The following AARS1 variants were observed in gnomAD, a reference collection of about 807,000 sequenced individuals.
The protein encoded by AARS1 is alanine--tRNA ligase, cytoplasmic.
In AARS1, 72 loss-of-function variants were observed where a neutral mutation model predicts 108.9. The ratio of observed to expected loss-of-function variants is 0.66; its 90% confidence interval spans 0.55 to 0.80. The LOEUF (loss-of-function observed/expected upper bound fraction) is 0.80, where lower values mean the gene tolerates loss of function less well. AARS1 is among the 30% of genes least tolerant of loss of function. AARS1 has a pLI of 0.00. For synonymous variants in AARS1, 489 were observed against 465.7 expected, an observed-to-expected ratio of 1.05 and a Z score of -0.64; for missense variants, 1,193 against 1,233.2, an observed-to-expected ratio of 0.97 and a Z score of 0.49.
intron 17 of AARS1, 37 bp downstream of exon 17, chr16:70,254,584 C>G (rs749869285): frequency 7.1e-7 from 1 of 1,407,338 alleles, no homozygotes; most frequent in Admixed American, 1.7e-5. Context: ...TTTCATGCAC[C>G]AGGCCCTGAG....
chr16:70,284,532 G>A (rs1478084378), intron 1 of AARS1, among the ~76,000 whole-genome samples: 4 of 152,098 alleles, frequency 2.6e-5, no homozygotes, highest in Admixed American at 6.6e-5. Flanking sequence ...AACCCAGGAG[G>A]CGGAGCTTGC....
intron 7 of AARS1, 81 bp downstream of exon 7, chr16:70,269,537 C>A: frequency 6.3e-7 from 1 of 1,589,954 alleles, no homozygotes; most frequent in Non-Finnish European, 8.5e-7. Context: ...CAATCTCACA[C>A]ACAAAGAAAA....
intron 16 of AARS1, among the ~76,000 whole-genome samples, chr16:70,255,424 T>C (rs1401181312): frequency 1.3e-5 from 2 of 152,072 alleles, no homozygotes; most frequent in African/African-American, 2.4e-5. Context: ...GGTCTCGAAC[T>C]CTTGACCTAG....
chr16:70,272,005 GC>G, intron 4 of AARS1, 33 bp from the exon 5 acceptor site: 1 of 1,602,048 alleles, frequency 6.2e-7, no homozygotes, highest in Non-Finnish European at 8.6e-7. Context: ...TCCAGTTACA[GC>G]CCCTGACAAG....
At chr16:70,267,835 G>A (rs1334593879) in intron 8 of AARS1, 26 bp from the exon 9 acceptor site, 1 of 1,614,036 alleles carries the variant, frequency 6.2e-7, no homozygotes, top group South Asian at 1.1e-5. Context: ...CAAGATGAGG[G>A]GCTGGATGAA....
At chr16:70,287,103 T>C (rs1275236269) in intron 1 of AARS1, among the ~76,000 whole-genome samples, 1 of 150,624 alleles carries the variant, frequency 6.6e-6, no homozygotes, top group Non-Finnish European at 1.5e-5. Context: ...TACAAAAAAT[T>C]AGCCGGGCGT....
At chr16:70,272,933 T>G (rs1006377806) in intron 4 of AARS1, among the ~76,000 whole-genome samples, 7 of 101,084 alleles carry the variant, frequency 6.9e-5, no homozygotes, top group African/African-American at 3.4e-4. Flanking sequence ...CAAAAGATTG[T>G]GCTTGCTTAT....
chr16:70,260,955 C>T (rs191913053), intron 13 of AARS1, 89 bp downstream of exon 13: 162 of 1,070,852 alleles, frequency 1.5e-4, no homozygotes, highest in Non-Finnish European at 1.6e-4. Context: ...AGCCACCACA[C>T]CCGGCCCAAC....
In AARS1 at chr16:70,255,931, G is replaced by C. The variant is rs974797437; in HGVS notation, c.2178-95C>G. 6.1e-6 allele frequency: 7 copies of C among 1,153,716 alleles called. No individual in the cohort carries two copies. In the African/African-American group the frequency reaches 1.1e-4, roughly 18 times the overall value. The allele number at this position is 1,153,716 out of a possible 1,614,324, so 71.5% of individuals were successfully genotyped here. A position where few individuals can be genotyped will look rare whatever the true frequency, so the allele number is the denominator to read the frequency against. ...CGGACAAGAGAAGCAGGAATGGGTT[G>C]ACAGTCAGGGAAAGCCTGGGCTTGA... On this transcript the variant is annotated intron_variant, in intron 15 of 20. Transcript: ENST00000261772.
At chr16:70,261,370 T>A in intron 12 of AARS1, 1 of 414,016 alleles carries the variant, frequency 2.4e-6, no homozygotes, top group South Asian at 2.1e-5. Flanking sequence ...CTCAGGTGAG[T>A]AGATCACCTG....
chr16:70,282,922 A>T, intron 1 of AARS1, 138 bp from the exon 2 acceptor site: 1 of 816,376 alleles, frequency 1.2e-6, no homozygotes, highest in African/African-American at 1.7e-5. Context: ...TCTATGTTGT[A>T]ATGTCCAAGG....
chr16:70,268,300 T>C lies in AARS1; in HGVS notation c.1042A>G (p.Thr348Ala), dbSNP rs1483525127. ...KLNASRGFFA[T>A]LVDVVVQSLG... is the part of the protein sequence containing the mutation. ...GACTGGACGACAACATCCACTAACG[T>C]AGCAAAGAAGCCCCTGCTGGCATTG... The change falls in exon 8 of 21, where the codon ACG becomes GCG. Residue 348 changes from threonine to alanine, a missense_variant. Physicochemically the swap from Thr to Ala is moderately conservative, Grantham distance 58. Transcript: ENST00000261772. The C allele has an allele frequency of 6.2e-7, 1 of 1,614,112 alleles. No individual in the cohort carries two copies. Among genetic ancestry groups the C allele is most frequent in the Non-Finnish European group, 8.5e-7 (1 of 1,180,002 alleles).
chr16:70,260,080 G>C (rs976051526), intron 13 of AARS1, among the ~76,000 whole-genome samples: 4 of 152,152 alleles, frequency 2.6e-5, no homozygotes, highest in Non-Finnish European at 5.9e-5. Flanking sequence ...CCATAAACAG[G>C]TTTATTGGAA....
Position 70,258,065 on chromosome 16 carries a change from G to A in AARS1, c.2145C>T (p.Gly715=), listed in dbSNP as rs751676787. Residue 715 remains glycine, a synonymous_variant, in exon 15 of 21, where the codon GGC becomes GGT. Transcript: ENST00000261772. The part of the protein sequence containing the change: ...ELLDDPSGPA[G]SLTSVEFCGG... ...CACAGAACTCAACAGAAGTCAGGGAGCCAGCAGGCCCAGAGGGGTCATCCA... is the reference window on the plus strand; with the variant it reads ...CACAGAACTCAACAGAAGTCAGGGAACCAGCAGGCCCAGAGGGGTCATCCA... The A allele has an allele frequency of 6.2e-7, 1 of 1,614,148 alleles. No homozygotes were observed. Among genetic ancestry groups the A allele is most frequent in the Admixed American group, 1.7e-5 (1 of 60,020 alleles).
At position 70,252,902 on chromosome 16, in the gene AARS1, G is replaced by A; in HGVS notation, c.2726C>T (p.Ala909Val). Residue 909 changes from alanine to valine, a missense_variant, in exon 21 of 21, where the codon GCA (alanine) becomes GTA (valine). Ala to Val is a moderately conservative substitution (Grantham distance 64). Transcript: ENST00000261772. ...ITCLCQVPQN[A>V]ANRGLKASEW... is the part of the protein sequence containing the mutation. ...GCTGGCTTTTAAGCCCCGATTGGCT[G>A]CATTCTAGAAGACAGGAAGGGAAGG... 1 of 1,614,162 alleles carries A rather than the reference G, an allele frequency of 6.2e-7. No homozygotes were observed. Among genetic ancestry groups the A allele is most frequent in the Admixed American group, 1.7e-5 (1 of 60,026 alleles).
In AARS1 at chr16:70,261,265, A is replaced by G; in HGVS notation, c.1672-108T>C. 6 of 747,008 alleles carry G rather than the reference A, an allele frequency of 8.0e-6. No homozygotes were observed. The South Asian group carries it at 8.8e-5, about 11-fold the overall frequency. The allele number at this position is 747,008 out of a possible 1,614,324, so 46.3% of individuals were successfully genotyped here. On this transcript the variant is annotated intron_variant, in intron 12 of 20. Coordinates refer to ENST00000261772, the MANE Select transcript of AARS1 (RefSeq NM_001605.3). ...ATATAACTTCTCTTTACATATGTAA[A>G]TTGCACACACACACATACTCCCTTA...
rs963712042 is a variant in AARS1 at position 70,254,791 on chromosome 16, C to T, written c.2287-57G>A. On this transcript the variant is annotated intron_variant, in intron 16 of 20. Transcript: ENST00000261772. ...GGAGGTCTGAGTCAGACTCACTATC[C>T]TGTGTCTGAGCAGCTGCGGAAGCCC... The T allele has an allele frequency of 1.9e-5, 23 of 1,212,776 alleles. No individual in the cohort carries two copies. The East Asian group carries it at 4.9e-4, about 26-fold the overall frequency. The allele number at this position is 1,212,776 out of a possible 1,614,324, so 75.1% of individuals were successfully genotyped here.
At chr16:70,254,855 A>G in intron 16 of AARS1, 121 bp from the exon 17 acceptor site, 3 of 698,998 alleles carry the variant, frequency 4.3e-6, no homozygotes, top group Non-Finnish European at 7.8e-6. Flanking sequence ...CAACACCCCA[A>G]AAGTGTCTGT....
intron 5 of AARS1, 75 bp downstream of exon 5, chr16:70,271,706 G>T (rs557264764): frequency 7.6e-6 from 11 of 1,438,040 alleles, no homozygotes; most frequent in Middle Eastern, 2.1e-4. Flanking sequence ...TAGCTGAGAA[G>T]AGAGCTACAC....
Sources: gnomAD v4.1 joint callset for allele counts (sites outside exome capture counted in the v4.1 genomes callset) on GRCh38, gnomAD v4.1.1 for gene constraint, MANE v1.5 for transcripts, NCBI Gene and HGNC (gene_info 2026-07-23, HGNC 2026-07-21) for gene names.